Variants in KLHL2 observed in about 807,000 individuals in gnomAD.
The protein encoded by KLHL2 is kelch like family member 2, also known as kelch-like protein 2.
Under a neutral mutation model 75.8 loss-of-function variants are expected in KLHL2, and 15 were observed. The observed-to-expected ratio is 0.20, with a 90% CI of 0.13 to 0.30. The LOEUF is 0.30. Among genes scored for constraint, KLHL2 ranks in the 10% least tolerant of loss-of-function variants. The probability of loss-of-function intolerance (pLI) is 1.00; values close to 1 mark genes in which losing one functional copy is unlikely to be tolerated. For synonymous variants in KLHL2, 214 were observed against 251.9 expected, an observed-to-expected ratio of 0.85 and a Z score of 1.42; for missense variants, 381 against 741.0, an observed-to-expected ratio of 0.51 and a Z score of 5.64.
At chr4:165,283,805 C>T (rs1289958481) in intron 5 of KLHL2, among the ~76,000 whole-genome samples, 4 of 152,202 alleles carry the variant, frequency 2.6e-5, no homozygotes, top group African/African-American at 7.2e-5. Context: ...ATGAGGACCC[C>T]GCCCCTGCAG....
At chr4:165,314,213 A>G in intron 13 of KLHL2, 47 bp downstream of exon 13, 1 of 1,503,586 alleles carries the variant, frequency 6.7e-7, no homozygotes, top group Admixed American at 1.8e-5. Flanking sequence ...ATTTTATTTT[A>G]AGTTTCACTG....
In KLHL2 at chr4:165,313,959, A is replaced by G. The variant is rs140793959; in HGVS notation, c.1469-67A>G. 2.0e-3 allele frequency: 2,939 copies of G among 1,478,154 alleles called. 5 individuals are homozygous for G. The highest frequency in any genetic ancestry group is 2.5e-3 in the Non-Finnish European group (2,768 of 1,100,580). 91.6% of individuals were successfully genotyped at this position (1,478,154 alleles called of 1,614,324 possible). On this transcript the variant is annotated intron_variant, in intron 12 of 14. Transcript: ENST00000226725. ...AAAGTTTTAGTTACAAGTCATTTAAATAAACCTAATATGATATAAATCTCT... is the reference window on the plus strand; with the variant it reads ...AAAGTTTTAGTTACAAGTCATTTAAGTAAACCTAATATGATATAAATCTCT...
chr4:165,286,205 A>T (rs1331420015), intron 5 of KLHL2, among the ~76,000 whole-genome samples: 1 of 152,126 alleles, frequency 6.6e-6, no homozygotes, highest in Admixed American at 6.5e-5. Flanking sequence ...CCAAGGTAGT[A>T]ATTAATCTGA....
chr4:165,276,667 C>T (rs1372490508), intron 5 of KLHL2, among the ~76,000 whole-genome samples: 1 of 152,084 alleles, frequency 6.6e-6, no homozygotes, highest in Non-Finnish European at 1.5e-5. Context: ...TAATGATAAA[C>T]CTTTTTTCAG....
intron 4 of KLHL2, 21 bp from the exon 5 acceptor site, chr4:165,263,176 A>T: frequency 6.2e-7 from 1 of 1,611,428 alleles, no homozygotes; most frequent in East Asian, 2.2e-5. Context: ...GTGCCTAAGA[A>T]TATTGATGTG....
chr4:165,313,975 A>G, intron 12 of KLHL2, 51 bp from the exon 13 acceptor site: 2 of 1,571,088 alleles, frequency 1.3e-6, no homozygotes, highest in Non-Finnish European at 8.6e-7. Flanking sequence ...CTAATATGAT[A>G]TAAATCTCTT....
chr4:165,318,012 C>G (rs755191091), intron 14 of KLHL2, 43 bp downstream of exon 14: 10 of 1,584,358 alleles, frequency 6.3e-6, no homozygotes, highest in Non-Finnish European at 8.6e-6. Context: ...AAAAAGATGA[C>G]CTCATTATGA....
chr4:165,223,791 AT>A (rs1227939336), intron 2 of KLHL2: 1 of 188,408 alleles, frequency 5.3e-6, no homozygotes, highest in Admixed American at 6.1e-5. Flanking sequence ...GATGGGGGAA[AT>A]TTTTCAAAAC....
At chr4:165,234,388 CAG>C (rs1349372310) in intron 3 of KLHL2, among the ~76,000 whole-genome samples, 3 of 151,952 alleles carry the variant, frequency 2.0e-5, no homozygotes, top group African/African-American at 4.8e-5. Flanking sequence ...TCAGCATAGT[CAG>C]AGTTTCTGTG....
intron 8 of KLHL2, 60 bp from the exon 9 acceptor site, chr4:165,305,548 T>C: frequency 1.5e-6 from 2 of 1,362,206 alleles, no homozygotes; most frequent in Non-Finnish European, 2.1e-6. Context: ...TTGTAGGACA[T>C]TTTAAATCCT....
intron 10 of KLHL2, 103 bp from the exon 11 acceptor site, chr4:165,311,361 C>T (rs573431199): frequency 2.7e-6 from 2 of 745,034 alleles, no homozygotes; most frequent in East Asian, 2.6e-5. Flanking sequence ...ATTTTCTTCT[C>T]TTAATTTTAG....
intron 1 of KLHL2, among the ~76,000 whole-genome samples, chr4:165,213,081 C>T (rs1374407310): frequency 6.6e-6 from 1 of 152,214 alleles, no homozygotes; most frequent in Non-Finnish European, 1.5e-5. Context: ...CCCTGATAAC[C>T]AAAGCATTGG....
chr4:165,233,858 G>A (rs1050640075), intron 3 of KLHL2, among the ~76,000 whole-genome samples: 1 of 152,234 alleles, frequency 6.6e-6, no homozygotes, highest in Admixed American at 6.5e-5. Context: ...AACAGCAAAT[G>A]CCACTCAAAC....
At chr4:165,284,521 C>T (rs1236539672) in intron 5 of KLHL2, among the ~76,000 whole-genome samples, 5 of 152,162 alleles carry the variant, frequency 3.3e-5, no homozygotes, top group Admixed American at 2.6e-4. Context: ...GACACCATCT[C>T]GGCGTGGATT....
intron 4 of KLHL2, among the ~76,000 whole-genome samples, chr4:165,261,497 C>A (rs1225936001): frequency 1.3e-5 from 2 of 152,098 alleles, no homozygotes; most frequent in African/African-American, 4.8e-5. Flanking sequence ...TGTGCCACTA[C>A]ACCCAGCTAA....
chr4:165,320,802 T>C (rs950894200), intron 14 of KLHL2, among the ~76,000 whole-genome samples: 3 of 152,218 alleles, frequency 2.0e-5, no homozygotes, highest in African/African-American at 7.2e-5. Context: ...AAAGAAATCA[T>C]GAAAGAGATC....
intron 1 of KLHL2, among the ~76,000 whole-genome samples, chr4:165,214,412 G>A (rs924057976): frequency 4.6e-5 from 7 of 152,050 alleles, no homozygotes; most frequent in Admixed American, 2.6e-4. Flanking sequence ...TTTTACCGTG[G>A]TCCTTTTCCT....
chr4:165,246,860 T>G (rs908138951), intron 4 of KLHL2, among the ~76,000 whole-genome samples: 2 of 152,236 alleles, frequency 1.3e-5, no homozygotes, highest in Non-Finnish European at 1.5e-5. Context: ...TGGTGGCATA[T>G]TGAAGTGGAT....
At chr4:165,255,318 G>T (rs748678552) in intron 4 of KLHL2, among the ~76,000 whole-genome samples, 14 of 152,158 alleles carry the variant, frequency 9.2e-5, no homozygotes, top group Admixed American at 3.9e-4. Flanking sequence ...AAAACCCCTA[G>T]AAGGGATTTA....
Sources: gnomAD v4.1 joint callset for allele counts (sites outside exome capture counted in the v4.1 genomes callset) on GRCh38, gnomAD v4.1.1 for gene constraint, MANE v1.5 for transcripts, NCBI Gene and HGNC (gene_info 2026-07-23, HGNC 2026-07-21) for gene names.